The following STAG1 variants were observed in gnomAD, a reference collection of about 807,000 sequenced individuals.
STAG1 encodes STAG1 cohesin complex component.
In STAG1, 26 loss-of-function variants were observed where a neutral mutation model predicts 170.9. The observed-to-expected ratio is 0.15, with a 90% CI of 0.11 to 0.21. The LOEUF (loss-of-function observed/expected upper bound fraction) is 0.21, where lower values mean the gene tolerates loss of function less well. Among genes scored for constraint, STAG1 ranks in the 10% least tolerant of loss-of-function variants. The pLI, the probability that STAG1 is intolerant of heterozygous loss-of-function variation, is 1.00. For missense variants in STAG1, 964 were observed against 1,509.5 expected (o/e 0.64, Z 5.99); for synonymous variants, 514 against 497.7 (o/e 1.03, Z -0.44).
chr3:136,630,576 C>T (rs1189889985), intron 2 of STAG1, among the ~76,000 whole-genome samples: 1 of 152,092 alleles, frequency 6.6e-6, no homozygotes, highest in Non-Finnish European at 1.5e-5. Context: ...TTTTATTTTG[C>T]AAAAAGAGAC....
rs143850977 is a variant in STAG1, at chr3:136,450,630, C to T, written c.1428+1403G>A. Reference sequence around the variant, plus strand: ...TCTCAAACTTGAGCATTCATAGAATCGTTTCTTCACTGACATTCTAGCACA... The same window carrying T: ...TCTCAAACTTGAGCATTCATAGAATTGTTTCTTCACTGACATTCTAGCACA... On this transcript the variant is annotated intron_variant, in intron 14 of 33. Transcript: ENST00000383202. Among the ~76,000 whole-genome samples the T allele has an allele frequency of 1.1e-4, 16 of 152,306 alleles. No homozygotes were observed. In the East Asian group the frequency reaches 2.9e-3, roughly 28 times the overall value.
At chr3:136,601,319 A>C (rs1938666407) in intron 4 of STAG1, among the ~76,000 whole-genome samples, 1 of 152,202 alleles carries the variant, frequency 6.6e-6, no homozygotes, top group Non-Finnish European at 1.5e-5. Flanking sequence ...CTGCCACATA[A>C]AAAAATTACA....
At chr3:136,492,614 C>T (rs2090144071) in intron 9 of STAG1, among the ~76,000 whole-genome samples, 2 of 152,150 alleles carry the variant, frequency 1.3e-5, no homozygotes, top group South Asian at 4.1e-4. Flanking sequence ...GAGGGGATAA[C>T]ACAAGATGAG....
In STAG1 at chr3:136,465,848, G is replaced by A. The variant is rs1482809507; in HGVS notation, c.1206-860C>T. ...CTACTAACTAATGCATAACCTCTAC[G>A]AAAAAATTAAACCCTATAAGACCTA... is the stretch of plus-strand genomic sequence containing the variant. On this transcript the variant is annotated intron_variant, in intron 12 of 33. Transcript: ENST00000383202. Among the ~76,000 whole-genome samples the A allele has an allele frequency of 2.0e-5, 3 of 151,956 alleles. No homozygotes were observed. In the South Asian group the frequency reaches 6.2e-4, roughly 32 times the overall value.
intron 1 of STAG1, among the ~76,000 whole-genome samples, chr3:136,649,392 T>A (rs757724525): frequency 1.9e-4 from 29 of 151,464 alleles, no homozygotes; most frequent in Non-Finnish European, 4.4e-5. Flanking sequence ...GGCATGAGAA[T>A]TGCTTGAACC....
At chr3:136,451,756 C>G (rs2088949152) in intron 14 of STAG1, among the ~76,000 whole-genome samples, 1 of 150,962 alleles carries the variant, frequency 6.6e-6, no homozygotes, top group African/African-American at 2.4e-5. Flanking sequence ...GAGTGAGACC[C>G]TGTCTCAAAA....
intron 4 of STAG1, among the ~76,000 whole-genome samples, chr3:136,587,941 C>T (rs1207342357): frequency 6.6e-6 from 1 of 151,876 alleles, no homozygotes; most frequent in African/African-American, 2.4e-5. Flanking sequence ...CCAGCCTGGG[C>T]AACAAGAGCA....
chr3:136,370,112 A>G (rs1366883346), intron 23 of STAG1, among the ~76,000 whole-genome samples: 1 of 151,962 alleles, frequency 6.6e-6, no homozygotes, highest in Non-Finnish European at 1.5e-5. Context: ...TCTATTCTAT[A>G]CTTTTAATCA....
intron 15 of STAG1, among the ~76,000 whole-genome samples, chr3:136,438,509 G>C (rs1419549436): frequency 6.6e-6 from 1 of 152,132 alleles, no homozygotes; most frequent in African/African-American, 2.4e-5. Flanking sequence ...AAAGGCATGA[G>C]CTACCGTGCC....
At chr3:136,475,252 T>C (rs2089720554) in intron 10 of STAG1, among the ~76,000 whole-genome samples, 1 of 150,760 alleles carries the variant, frequency 6.6e-6, no homozygotes, top group Non-Finnish European at 1.5e-5. Flanking sequence ...GTTCAAGTGA[T>C]TCTCTTGTCT....
At chr3:136,668,601 A>G (rs1324392036) in intron 1 of STAG1, among the ~76,000 whole-genome samples, 1 of 152,020 alleles carries the variant, frequency 6.6e-6, no homozygotes, top group Non-Finnish European at 1.5e-5. Flanking sequence ...GCCAACTGTG[A>G]AAGCAGAGGA....
chr3:136,510,750 T>G (rs564888813), intron 7 of STAG1, among the ~76,000 whole-genome samples: 1 of 151,972 alleles, frequency 6.6e-6, no homozygotes, highest in East Asian at 1.9e-4. Flanking sequence ...TAGCTGGGAT[T>G]ACAGGTGCAC....
At chr3:136,732,916 A>G (rs1032249149) in intron 1 of STAG1, among the ~76,000 whole-genome samples, 6 of 152,096 alleles carry the variant, frequency 3.9e-5, no homozygotes, top group Admixed American at 1.3e-4. Flanking sequence ...CCTCATTAAT[A>G]AAGTTTTAAT....
intron 1 of STAG1, among the ~76,000 whole-genome samples, chr3:136,728,965 C>G (rs558069195): frequency 1.3e-5 from 2 of 152,086 alleles, no homozygotes; most frequent in Non-Finnish European, 2.9e-5. Flanking sequence ...GAAAGAGAGA[C>G]AGTCTCTTCT....
chr3:136,462,628 T>C (rs1443449696), intron 13 of STAG1, among the ~76,000 whole-genome samples: 1 of 152,186 alleles, frequency 6.6e-6, no homozygotes, highest in East Asian at 1.9e-4. Context: ...TAGTTAACAA[T>C]AATTTATGGA....
At chr3:136,637,797 G>A (rs1940630187) in intron 1 of STAG1, among the ~76,000 whole-genome samples, 1 of 152,006 alleles carries the variant, frequency 6.6e-6, no homozygotes, top group Non-Finnish European at 1.5e-5. Context: ...GAAGACAAAA[G>A]CATAAAGGAA....
intron 21 of STAG1, among the ~76,000 whole-genome samples, chr3:136,416,612 A>G (rs945197333): frequency 6.6e-6 from 1 of 152,246 alleles, no homozygotes; most frequent in Middle Eastern, 3.2e-3. Context: ...TGGCTTGAAA[A>G]TATGAGTGAA....
intron 1 of STAG1, among the ~76,000 whole-genome samples, chr3:136,700,876 C>CTTTTTTTTTTTT (rs35459362): frequency 4.6e-3 from 357 of 78,340 alleles, no homozygotes; most frequent in Non-Finnish European, 5.5e-3. Flanking sequence ...TATTTTTTTT[C>CTTTTTTTTTTTT]TTTTTTTTTT....
At position 136,461,525 on chromosome 3, in the gene STAG1, T is replaced by G. The variant is rs553543356; in HGVS notation, c.1313+3356A>C. On this transcript the variant is annotated intron_variant, in intron 13 of 33. Transcript: ENST00000383202. The stretch of plus-strand genomic sequence containing the variant: ...CAGTAGCATTCTTGTACAGCAAAAG[T>G]GAACAATCTGAAAAAGAAGTCAAGA... Among the ~76,000 whole-genome samples the G allele has an allele frequency of 2.3e-4, 35 of 148,964 alleles. No homozygotes were observed. In the South Asian group the frequency reaches 5.9e-3, roughly 25 times the overall value.
Sources: allele counts gnomAD v4.1 joint callset (sites outside exome capture counted in the v4.1 genomes callset), GRCh38; gene constraint gnomAD v4.1.1; transcripts MANE v1.5; gene names NCBI Gene and HGNC (gene_info 2026-07-23, HGNC 2026-07-21).